Variants in PBLD observed in about 807,000 individuals in gnomAD.
PBLD encodes the protein phenazine biosynthesis-like domain-containing protein.
In PBLD, 26 loss-of-function variants were observed where a neutral mutation model predicts 31.3. That is an observed-to-expected ratio of 0.83 (90% CI 0.61 to 1.15). The LOEUF is 1.15. Among genes scored for constraint, PBLD ranks in the 50% most tolerant of loss-of-function variants. The pLI, the probability that PBLD is intolerant of heterozygous loss-of-function variation, is 0.00. For missense variants in PBLD, 307 were observed against 351.7 expected (o/e 0.87, Z 1.02); for synonymous variants, 114 against 129.0 (o/e 0.88, Z 0.79).
At chr10:68,290,535 T>C (rs745883241) in intron 6 of PBLD, among the ~76,000 whole-genome samples, 9 of 152,072 alleles carry the variant, frequency 5.9e-5, no homozygotes, top group Non-Finnish European at 2.9e-5. Flanking sequence ...CTGACCAACA[T>C]GGAGACACCC....
chr10:68,313,479 A>G (rs1472401130), intron 1 of PBLD, among the ~76,000 whole-genome samples: 1 of 152,172 alleles, frequency 6.6e-6, no homozygotes, highest in African/African-American at 2.4e-5. Flanking sequence ...TTTTATGCAT[A>G]CTTCCCGGAT....
At chr10:68,285,294 A>G in intron 9 of PBLD, 54 bp downstream of exon 9, 1 of 1,613,932 alleles carries the variant, frequency 6.2e-7, no homozygotes, top group South Asian at 1.1e-5. Flanking sequence ...ATGAGAAGGA[A>G]CACTAGCTTC....
intron 1 of PBLD, among the ~76,000 whole-genome samples, chr10:68,329,016 T>C (rs2044970314): frequency 1.3e-5 from 2 of 152,164 alleles, no homozygotes; most frequent in African/African-American, 4.8e-5. Flanking sequence ...GTGACTGAGA[T>C]TACAGGCATG....
At chr10:68,312,646 G>A (rs1589666207) in intron 1 of PBLD, among the ~76,000 whole-genome samples, 1 of 104,918 alleles carries the variant, frequency 9.5e-6, no homozygotes, top group African/African-American at 3.8e-5. Flanking sequence ...GTCTTGCTCT[G>A]TCTCCCAGAC....
Position 68,315,068 on chromosome 10 carries a change from G to C in PBLD, c.-59-8165C>G, listed in dbSNP as rs572632238. 5.3e-5 allele frequency among the ~76,000 whole-genome samples: 8 copies of C among 152,252 alleles called. No individual in the cohort carries two copies. The East Asian group carries it at 7.7e-4, about 15-fold the overall frequency. On this transcript the variant is annotated intron_variant, in intron 1 of 9. Transcript: ENST00000358769. Reference sequence around the variant, plus strand: ...GCCTCCCAAAGTGCTGGGATCACAGGTGTGAGCCACCGTGCCCGGCTGTGG... The same window carrying C: ...GCCTCCCAAAGTGCTGGGATCACAGCTGTGAGCCACCGTGCCCGGCTGTGG...
chr10:68,314,362 A>G (rs2044708475), intron 1 of PBLD, among the ~76,000 whole-genome samples: 1 of 152,140 alleles, frequency 6.6e-6, no homozygotes, highest in African/African-American at 2.4e-5. Flanking sequence ...CTTGAAATTA[A>G]TGGGGAAAAC....
chr10:68,297,338 G>A (rs1237762499), intron 2 of PBLD, among the ~76,000 whole-genome samples: 1 of 152,190 alleles, frequency 6.6e-6, no homozygotes, highest in East Asian at 1.9e-4. Context: ...TTGCTTTGCT[G>A]GTGAAAGCGA....
At chr10:68,324,424 C>T (rs1322433913) in intron 1 of PBLD, among the ~76,000 whole-genome samples, 5 of 151,982 alleles carry the variant, frequency 3.3e-5, no homozygotes, top group African/African-American at 1.2e-4. Context: ...ATCTGCCCAC[C>T]TTGGCCTCCC....
At chr10:68,327,250 T>A (rs2044936289) in intron 1 of PBLD, among the ~76,000 whole-genome samples, 1 of 152,196 alleles carries the variant, frequency 6.6e-6, no homozygotes. Flanking sequence ...AAACAGTAAC[T>A]TTGCAAGACT....
At chr10:68,295,420 G>A (rs2044411015) in intron 4 of PBLD, among the ~76,000 whole-genome samples, 1 of 151,146 alleles carries the variant, frequency 6.6e-6, no homozygotes, top group Non-Finnish European at 1.5e-5. Flanking sequence ...TTGAGCCCAG[G>A]AGTCAGAGGT....
chr10:68,290,882 T>G (rs2044350615), intron 6 of PBLD, among the ~76,000 whole-genome samples: 1 of 152,172 alleles, frequency 6.6e-6, no homozygotes, highest in African/African-American at 2.4e-5. Flanking sequence ...CCATTATAAG[T>G]TTTTTCCACT....
Position 68,301,521 on chromosome 10 carries a change from A to G in PBLD, c.85-4536T>C, listed in dbSNP as rs116039389. ...TAAGCCCCTTAGTGCAGAGTCTGCA[A>G]TCACAAGTCTCAGTGGTAATCGAAA... On this transcript the variant is annotated intron_variant, in intron 2 of 9. Coordinates refer to ENST00000358769, the MANE Select transcript of PBLD (RefSeq NM_022129.4). Among the ~76,000 whole-genome samples, 827 of 152,332 alleles carry G rather than the reference A, an allele frequency of 5.4e-3. 10 individuals are homozygous for G. Among genetic ancestry groups the G allele is most frequent in the African/African-American group, 0.019 (790 of 41,570 alleles).
rs766981390 is a variant in PBLD, at chr10:68,284,215, C to T, written c.829G>A (p.Gly277Ser). 3 of 1,614,066 alleles carry T rather than the reference C, an allele frequency of 1.9e-6. No homozygotes were observed. The highest frequency in any genetic ancestry group is 2.5e-6 in the Non-Finnish European group (3 of 1,179,986). Residue 277 changes from glycine (G) to serine (S), a missense_variant, in exon 10 of 10, where the codon GGT becomes AGT. Gly to Ser is a moderately conservative substitution (Grantham distance 56, BLOSUM62 0). Coordinates refer to ENST00000358769, the MANE Select transcript of PBLD (RefSeq NM_022129.4). ...RPDGRVDIRGGAAVVLEGTLT... is the reference protein window; with the variant it reads ...RPDGRVDIRGSAAVVLEGTLT... ...GTGCCCTCTAAAACAACAGCTGCAC[C>T]TCCTCTAATGTCAACCCTTCCGTCT...
intron 1 of PBLD, among the ~76,000 whole-genome samples, chr10:68,311,491 C>T (rs2044666843): frequency 6.6e-6 from 1 of 152,012 alleles, no homozygotes; most frequent in South Asian, 2.1e-4. Flanking sequence ...GAGGCTGAGG[C>T]AGGAGAATGG....
intron 1 of PBLD, among the ~76,000 whole-genome samples, chr10:68,318,102 T>C (rs1430705470): frequency 4.0e-5 from 6 of 151,320 alleles, no homozygotes; most frequent in East Asian, 3.9e-4. Context: ...TGGCAGGCAC[T>C]TGTAGTCCCA....
chr10:68,292,790 G>A lies in PBLD; in HGVS notation c.284-552C>T, dbSNP rs184304078. Among the ~76,000 whole-genome samples the A allele has an allele frequency of 5.8e-4, 88 of 151,926 alleles. 1 individual carries two copies. The South Asian group carries it at 6.0e-3, about 10-fold the overall frequency. On this transcript the variant is annotated intron_variant, in intron 4 of 9. Coordinates refer to ENST00000358769, the MANE Select transcript of PBLD (RefSeq NM_022129.4). ...CTCCCAAAATGCTGGGATTACAGGC[G>A]TGAGCCACCACACCTGGCCAGCCTC... is the stretch of plus-strand genomic sequence containing the variant.
At chr10:68,319,064 AAAGAAAG>A (rs1365611054) in intron 1 of PBLD, among the ~76,000 whole-genome samples, 1 of 117,122 alleles carries the variant, frequency 8.5e-6, no homozygotes, top group Non-Finnish European at 1.7e-5. Context: ...AGAAAGAAAG[AAAGAAAG>A]AAAGAAAGAA....
intron 4 of PBLD, 137 bp downstream of exon 4, chr10:68,296,129 A>C: frequency 1.6e-6 from 1 of 608,876 alleles, no homozygotes; most frequent in East Asian, 2.8e-5. Context: ...TTGTTTCTGC[A>C]TTATGAATAG....
At chr10:68,321,124 G>C (rs1246097396) in intron 1 of PBLD, among the ~76,000 whole-genome samples, 1 of 151,924 alleles carries the variant, frequency 6.6e-6, no homozygotes, top group African/African-American at 2.4e-5. Context: ...CCCTAGCCCC[G>C]ACCCCTTTTA....
Sources: gnomAD v4.1 joint callset for allele counts (sites outside exome capture counted in the v4.1 genomes callset) on GRCh38, gnomAD v4.1.1 for gene constraint, MANE v1.5 for transcripts, NCBI Gene and HGNC (gene_info 2026-07-23, HGNC 2026-07-21) for gene names.